Variants in GALNT3 observed in about 807,000 individuals in gnomAD.
The protein encoded by GALNT3 is polypeptide N-acetylgalactosaminyltransferase 3.
In GALNT3, 51 loss-of-function variants were observed where a neutral mutation model predicts 69.8. The observed-to-expected ratio is 0.73, with a 90% CI of 0.58 to 0.92. The LOEUF (loss-of-function observed/expected upper bound fraction) is 0.92. GALNT3 is among the 40% of genes least tolerant of loss of function. GALNT3 has a pLI of 0.00. For synonymous variants in GALNT3, 265 were observed against 248.5 expected, an observed-to-expected ratio of 1.07 and a Z score of -0.63; for missense variants, 711 against 760.0, an observed-to-expected ratio of 0.94 and a Z score of 0.76.
chr2:165,763,028 T>G (rs1688580089), intron 3 of GALNT3, among the ~76,000 whole-genome samples: 1 of 151,660 alleles, frequency 6.6e-6, no homozygotes, highest in Admixed American at 6.6e-5. Flanking sequence ...CTGGAACTCC[T>G]GAACTCAAGC....
rs141697612 is a variant in GALNT3, at chr2:165,783,857, T to G, written c.-109+10158A>C. On this transcript the variant is annotated intron_variant, in intron 1 of 10. Coordinates refer to ENST00000392701, the MANE Select transcript of GALNT3 (RefSeq NM_004482.4). ...CCTCCCCAGATATAAAACAGAATTTTTTTCAAGTCTTCCATAACATCATTT... is the reference window on the plus strand; with the variant it reads ...CCTCCCCAGATATAAAACAGAATTTGTTTCAAGTCTTCCATAACATCATTT... Among the ~76,000 whole-genome samples the G allele has an allele frequency of 7.1e-3, 1,078 of 152,294 alleles. 16 individuals carry two copies. Among genetic ancestry groups the G allele is most frequent in the African/African-American group, 0.025 (1,024 of 41,544 alleles).
At chr2:165,788,776 A>G (rs1423856352) in intron 1 of GALNT3, among the ~76,000 whole-genome samples, 1 of 152,078 alleles carries the variant, frequency 6.6e-6, no homozygotes, top group Non-Finnish European at 1.5e-5. Flanking sequence ...TATTGCTGGG[A>G]AATAAAATTT....
At chr2:165,772,584 CA>C (rs375725339) in intron 1 of GALNT3, among the ~76,000 whole-genome samples, 1,071 of 66,844 alleles carry the variant, frequency 0.016, 6 homozygotes, top group African/African-American at 0.064. Context: ...GACTCTGTCT[CA>C]AAAAAAAAAA....
intron 3 of GALNT3, among the ~76,000 whole-genome samples, chr2:165,764,477 A>G (rs1688604067): frequency 1.3e-5 from 2 of 152,312 alleles, no homozygotes; most frequent in South Asian, 4.1e-4. Flanking sequence ...AACAACACAT[A>G]ATATATTTAA....
rs75994533 is a variant in GALNT3 at position 165,774,962 on chromosome 2, C to T, written c.-108-4154G>A. Among the ~76,000 whole-genome samples, 820 of 136,878 alleles carry T rather than the reference C, an allele frequency of 6.0e-3. 6 individuals carry two copies. The highest frequency in any genetic ancestry group is 0.021 in the African/African-American group (755 of 36,114). The allele number at this position is 136,878 out of a possible 152,430, so 89.8% of individuals were successfully genotyped here. The stretch of plus-strand genomic sequence containing the variant: ...GATGAGGTCTCACTATGCTGCCCAG[C>T]CAGGCTGATCTTGAACTCCCAAACT... On this transcript the variant is annotated intron_variant, in intron 1 of 10. Coordinates refer to ENST00000392701, the MANE Select transcript of GALNT3 (RefSeq NM_004482.4).
chr2:165,755,086 G>C (rs1688423601), intron 7 of GALNT3, 23 bp from the exon 8 acceptor site: 1 of 1,599,752 alleles, frequency 6.3e-7, no homozygotes, highest in Non-Finnish European at 8.6e-7. Flanking sequence ...GAGAAATGAA[G>C]GGAATGCTTA....
Position 165,754,042 on chromosome 2 carries a change from C to A in GALNT3, c.1626+585G>T, listed in dbSNP as rs538398434. Among the ~76,000 whole-genome samples, 9 of 150,856 alleles carry A rather than the reference C, an allele frequency of 6.0e-5. No individual in the cohort carries two copies. The South Asian group carries it at 1.7e-3, about 28-fold the overall frequency. On this transcript the variant is annotated intron_variant, in intron 9 of 10. Coordinates refer to ENST00000392701, the MANE Select transcript of GALNT3 (RefSeq NM_004482.4). ...AGAAGTTTCTTTTTAAAAAAAATTTCAAATGGCATTATTCTATTATTTTCT... is the reference window on the plus strand; with the variant it reads ...AGAAGTTTCTTTTTAAAAAAAATTTAAAATGGCATTATTCTATTATTTTCT...
intron 9 of GALNT3, 124 bp downstream of exon 9, chr2:165,754,503 T>G: frequency 1.4e-6 from 1 of 736,592 alleles, no homozygotes. Flanking sequence ...AAACTCAGTC[T>G]GAAAACATTT....
rs917845331 is a variant in GALNT3, at chr2:165,770,801, G to A, written c.-101C>T. Reference sequence around the variant, plus strand: ...TTGCTGAGAAGAAGGTATCTTTAATGGTAGTACCTATAAACAGAAATGATC... The same window carrying A: ...TTGCTGAGAAGAAGGTATCTTTAATAGTAGTACCTATAAACAGAAATGATC... On this transcript the variant is annotated 5_prime_UTR_variant, in exon 2 of 11. Transcript: ENST00000392701. 7.8e-7 allele frequency: 1 copy of A among 1,290,264 alleles called. No homozygotes were observed. The highest frequency in any genetic ancestry group is 1.1e-6 in the Non-Finnish European group (1 of 923,984). 79.9% of individuals were successfully genotyped at this position (1,290,264 alleles called of 1,614,324 possible). A position where few individuals can be genotyped will look rare whatever the true frequency, so the allele number is the denominator to read the frequency against.
chr2:165,775,493 T>G (rs559429065), intron 1 of GALNT3, among the ~76,000 whole-genome samples: 1 of 152,326 alleles, frequency 6.6e-6, no homozygotes, highest in East Asian at 1.9e-4. Flanking sequence ...GGGATTAATC[T>G]TCTCTTATCA....
intron 1 of GALNT3, among the ~76,000 whole-genome samples, chr2:165,788,369 C>T (rs1412415863): frequency 6.6e-6 from 1 of 150,560 alleles, no homozygotes; most frequent in Non-Finnish European, 1.5e-5. Flanking sequence ...CTGCCGATGC[C>T]TCTCCCCTTT....
intron 1 of GALNT3, among the ~76,000 whole-genome samples, 182 bp from the exon 2 acceptor site, chr2:165,770,990 A>C (rs544436789): frequency 2.1e-4 from 32 of 152,292 alleles, no homozygotes; most frequent in Non-Finnish European, 3.5e-4. Flanking sequence ...GTTACAATTT[A>C]CTACAATTTA....
chr2:165,757,351 G>A, intron 6 of GALNT3, 104 bp from the exon 7 acceptor site: 1 of 1,065,006 alleles, frequency 9.4e-7, no homozygotes. Context: ...AATTAGAGAA[G>A]AGATTACAAT....
In GALNT3 at chr2:165,754,392, CTTT is replaced by C. The variant is rs137893523; in HGVS notation, c.1626+232_1626+234del. Among the ~76,000 whole-genome samples the C allele has an allele frequency of 0.036, 2,190 of 61,162 alleles. 74 individuals carry two copies. Among genetic ancestry groups the C allele is most frequent in the East Asian group, 0.14 (293 of 2,152 alleles). The allele number at this position is 61,162 out of a possible 152,430, so 40.1% of individuals were successfully genotyped here. ...GGCGTGAGCCACTCAGCTCGGCCTC[CTTT>C]TTTTTTTTTTTTTTTTTTTTTTAAT... On this transcript the variant is annotated intron_variant, in intron 9 of 10. Coordinates refer to ENST00000392701, the MANE Select transcript of GALNT3 (RefSeq NM_004482.4).
At chr2:165,776,394 T>C (rs776437414) in intron 1 of GALNT3, among the ~76,000 whole-genome samples, 1 of 152,132 alleles carries the variant, frequency 6.6e-6, no homozygotes, top group Non-Finnish European at 1.5e-5. Context: ...ACATTAGAAA[T>C]GATTAGCAGA....
At chr2:165,772,175 G>C (rs1320853828) in intron 1 of GALNT3, among the ~76,000 whole-genome samples, 1 of 152,150 alleles carries the variant, frequency 6.6e-6, no homozygotes, top group African/African-American at 2.4e-5. Context: ...AAATGTTGTG[G>C]TAGGCTATGG....
chr2:165,762,173 T>C, intron 3 of GALNT3, 119 bp from the exon 4 acceptor site: 3 of 789,656 alleles, frequency 3.8e-6, no homozygotes, highest in Non-Finnish European at 6.1e-6. Flanking sequence ...AACAGTTGCA[T>C]GTGTCCTTCC....
At position 165,748,477 on chromosome 2, in the gene GALNT3, C is replaced by A; in HGVS notation, c.*304G>T. The stretch of plus-strand genomic sequence containing the variant: ...TGAATGTAGCTATATATATATATCC[C>A]TAAGTGTACAAAACACACAAACATC... On this transcript the variant is annotated 3_prime_UTR_variant, in exon 11 of 11. Coordinates refer to ENST00000392701, the MANE Select transcript of GALNT3 (RefSeq NM_004482.4). The A allele has an allele frequency of 2.4e-6, 1 of 410,860 alleles. No individual in the cohort carries two copies. Among genetic ancestry groups the A allele is most frequent in the Admixed American group, 4.1e-5 (1 of 24,444 alleles). The allele number at this position is 410,860 out of a possible 1,614,324, so 25.5% of individuals were successfully genotyped here.
intron 1 of GALNT3, among the ~76,000 whole-genome samples, chr2:165,781,916 A>C (rs1683118661): frequency 6.6e-6 from 1 of 152,206 alleles, no homozygotes; most frequent in African/African-American, 2.4e-5. Context: ...GTAAATTGGC[A>C]GAAAAAGATA....
Sources: allele counts gnomAD v4.1 joint callset (sites outside exome capture counted in the v4.1 genomes callset), GRCh38; gene constraint gnomAD v4.1.1; transcripts MANE v1.5; gene names NCBI Gene and HGNC (gene_info 2026-07-23, HGNC 2026-07-21).